Variants in DST observed in about 807,000 individuals in gnomAD.
DST encodes bullous pemphigoid antigen.
A neutral mutation model predicts 875.2 loss-of-function variants in DST; 253 were observed. The ratio of observed to expected loss-of-function variants is 0.29; its 90% CI spans 0.26 to 0.32. DST has a LOEUF of 0.32. DST is among the 10% of genes least tolerant of loss of function. The pLI, the probability that DST is intolerant of heterozygous loss-of-function variation, is 1.00. For synonymous variants in DST, 3,124 were observed against 3,197.1 expected, an observed-to-expected ratio of 0.98 and a Z score of 0.77; for missense variants, 8,287 against 9,111.6, an observed-to-expected ratio of 0.91 and a Z score of 3.68.
chr6:56,595,080 T>C (rs1250322098), intron 47 of DST, among the ~76,000 whole-genome samples: 2 of 152,152 alleles, frequency 1.3e-5, no homozygotes, highest in South Asian at 2.1e-4. Flanking sequence ...GCCATACAAG[T>C]GTGGCAAAAA....
intron 77 of DST, 84 bp from the exon 78 acceptor site, chr6:56,504,182 T>C (rs2096238735): frequency 3.7e-6 from 3 of 810,064 alleles, no homozygotes; most frequent in Non-Finnish European, 5.8e-6. Context: ...AAAAATACAA[T>C]CATAAATCTA....
At chr6:56,819,706 C>G (rs1007272610) in intron 4 of DST, among the ~76,000 whole-genome samples, 3 of 134,706 alleles carry the variant, frequency 2.2e-5, no homozygotes, top group Admixed American at 7.2e-5. Flanking sequence ...TTAACAGGTA[C>G]TACAATAACA....
chr6:56,640,659 G>C, intron 17 of DST, 54 bp from the exon 18 acceptor site: 1 of 1,326,112 alleles, frequency 7.5e-7, no homozygotes, highest in East Asian at 2.3e-5. Context: ...TTGTAACAAA[G>C]AGTGAACTCT....
chr6:56,486,078 C>G (rs1184254959), intron 87 of DST, among the ~76,000 whole-genome samples: 1 of 152,008 alleles, frequency 6.6e-6, no homozygotes, highest in Non-Finnish European at 1.5e-5. Flanking sequence ...AAGATTTTTT[C>G]AAGGGCCAGG....
chr6:56,652,392 C>A (rs1396055234), intron 10 of DST, among the ~76,000 whole-genome samples: 1 of 151,924 alleles, frequency 6.6e-6, no homozygotes, highest in African/African-American at 2.4e-5. Flanking sequence ...TACTCACCAC[C>A]CAAAAAAATC....
At chr6:56,866,673 C>G (rs1407802401) in intron 3 of DST, among the ~76,000 whole-genome samples, 1 of 152,198 alleles carries the variant, frequency 6.6e-6, no homozygotes, top group African/African-American at 2.4e-5. Flanking sequence ...CCCCACAGCA[C>G]TTATTACCAT....
chr6:56,873,825 T>C (rs990355498), intron 3 of DST, among the ~76,000 whole-genome samples: 1 of 152,198 alleles, frequency 6.6e-6, no homozygotes, highest in Non-Finnish European at 1.5e-5. Context: ...GTTAATACTT[T>C]ATTGTATAGC....
At chr6:56,712,046 C>G (rs375790493) in intron 5 of DST, among the ~76,000 whole-genome samples, 15,064 of 143,840 alleles carry the variant, frequency 0.1, 2,333 homozygotes, top group African/African-American at 0.34. Flanking sequence ...AGCCGAGATC[C>G]CGCCACTGCA....
rs1011789710 is a variant in DST at position 56,497,247 on chromosome 6, T to C, written c.20223+132A>G. On this transcript the variant is annotated intron_variant, in intron 82 of 103. Coordinates refer to ENST00000680361, the MANE Select transcript of DST (RefSeq NM_001374736.1). ...ATCAATAAATGGTGTGTTTCTAACATGTATACACAGTGATTTCTGCCATAA... is the reference window on the plus strand; with the variant it reads ...ATCAATAAATGGTGTGTTTCTAACACGTATACACAGTGATTTCTGCCATAA... The C allele has an allele frequency of 7.1e-6, 7 of 991,954 alleles. No individual in the cohort carries two copies. In the South Asian group the frequency reaches 1.0e-4, roughly 14 times the overall value. The allele number at this position is 991,954 out of a possible 1,614,324, so 61.4% of individuals were successfully genotyped here.
In DST at chr6:56,900,473, C is replaced by T. The variant is rs2127689094; in HGVS notation, c.365G>A (p.Arg122Gln). The change falls in exon 3 of 104, where the codon CGA becomes CAA. Residue 122 changes from arginine to glutamine, a missense_variant. Transcript: ENST00000680361. ...AGAGTGATAAAATTCTGGCTGGACT[C>T]GGCTGCTCTTCTTGATTCTTCGTTT... The part of the protein sequence containing the change: ...VRKRRIKKSS[R>Q]VQPEFYHSVQ... 1 of 1,367,698 alleles carries T rather than the reference C, an allele frequency of 7.3e-7. No homozygotes were observed. Among genetic ancestry groups the T allele is most frequent in the South Asian group, 1.1e-5 (1 of 88,044 alleles). 84.7% of individuals were successfully genotyped at this position (1,367,698 alleles called of 1,614,324 possible).
At chr6:56,473,672 T>C (rs549213562) in intron 93 of DST, among the ~76,000 whole-genome samples, 4 of 152,326 alleles carry the variant, frequency 2.6e-5, no homozygotes, top group South Asian at 2.1e-4. Context: ...AAGTTACGTA[T>C]AGAAACCTGG....
rs539146286 is a variant in DST at position 56,954,786 on chromosome 6, G to A, written c.-199C>T. On this transcript the variant is annotated 5_prime_UTR_variant, in exon 1 of 104. Coordinates refer to ENST00000680361, the MANE Select transcript of DST (RefSeq NM_001374736.1). ...CTACGCGAGTGATCCAGGGCTGCGG[G>A]GAGCGCTTGCCATGACTCAGCAGAC... Among the ~76,000 whole-genome samples, 28 of 149,998 alleles carry A rather than the reference G, an allele frequency of 1.9e-4. No homozygotes were observed. Among genetic ancestry groups the A allele is most frequent in the African/African-American group, 6.8e-4 (28 of 41,322 alleles).
intron 36 of DST, chr6:56,620,003 G>A (rs1407813524): frequency 1.9e-6 from 3 of 1,614,066 alleles, no homozygotes; most frequent in South Asian, 1.1e-5. Flanking sequence ...CCTGCATGAT[G>A]TAGCCTGTGT....
chr6:56,487,180 C>T lies in DST; in HGVS notation c.20971G>A (p.Asp6991Asn), dbSNP rs1163854392. The T allele has an allele frequency of 1.2e-6, 2 of 1,613,926 alleles. No homozygotes were observed. Among genetic ancestry groups the T allele is most frequent in the Non-Finnish European group, 1.7e-6 (2 of 1,179,840 alleles). ...AGCATGTCATCCAGTTTCAGGTTGT[C>T]ATCAGCCAGGGAGGTTTTCTCCTTC... ...SLKEKTSLADDNLKLDDMLSE... is the reference protein window; with the variant it reads ...SLKEKTSLADNNLKLDDMLSE... The change falls in exon 87 of 104, where the codon GAC becomes AAC. Residue 6991 changes from aspartate (D) to asparagine (N), a missense_variant. This residue lies in a region of DST where 1,292 missense variants were observed against 1,552.7 expected (regional missense o/e 0.83). Coordinates refer to ENST00000680361, the MANE Select transcript of DST (RefSeq NM_001374736.1).
At position 56,489,534 on chromosome 6, in the gene DST, C is replaced by A. The variant is rs756935398; in HGVS notation, c.20833G>T (p.Ala6945Ser). 3 of 1,612,654 alleles carry A rather than the reference C, an allele frequency of 1.9e-6. No individual in the cohort carries two copies. In the South Asian group the frequency reaches 3.3e-5, roughly 18 times the overall value. ...GTTTTTATTTTGTCTGGATCATTTG[C>A]GATTTCCAGTTCAGAATCCAAAGAC... ...EKSLDSELEI[A>S]NDPDKIKTQL... is the part of the protein sequence containing the mutation. Residue 6945 changes from alanine (A) to serine (S), a missense_variant, in exon 86 of 104, where the codon GCA (alanine) becomes TCA (serine). Transcript: ENST00000680361.
intron 9 of DST, among the ~76,000 whole-genome samples, chr6:56,683,364 G>A (rs953996931): frequency 6.6e-6 from 1 of 152,296 alleles, no homozygotes; most frequent in Admixed American, 6.5e-5. Flanking sequence ...TAGTCTTGCT[G>A]TACCAAATAT....
chr6:56,733,937 G>T (rs2099512962), intron 5 of DST, among the ~76,000 whole-genome samples: 1 of 152,000 alleles, frequency 6.6e-6, no homozygotes, highest in Non-Finnish European at 1.5e-5. Context: ...TTTAGAAAAG[G>T]CAAAACTTTT....
intron 13 of DST, 32 bp downstream of exon 13, chr6:56,648,538 C>A: frequency 1.3e-6 from 2 of 1,530,652 alleles, no homozygotes; most frequent in South Asian, 2.5e-5. Flanking sequence ...ACAATTGAAT[C>A]AATCCTATGT....
rs775037762 is a variant in DST at position 56,609,047 on chromosome 6, G to A, written c.5581C>T (p.Gln1861Ter). ...TTIPVLDALA[Q>*]SMITESMAIK... ...GCCATGGATTCTGTTATCATGCTTT[G>A]AGCTAGAGCATCCAGTACTGGAATT... Residue 1861 changes from glutamine (Q) to a stop codon, truncating the protein, a stop_gained, in exon 40 of 104, where the codon CAA (glutamine) becomes TAA (stop). Coordinates refer to ENST00000680361, the MANE Select transcript of DST (RefSeq NM_001374736.1). LOFTEE classifies it high-confidence loss of function. 2 of 1,613,852 alleles carry A rather than the reference G, an allele frequency of 1.2e-6. No individual in the cohort carries two copies. The highest frequency in any genetic ancestry group is 1.7e-6 in the Non-Finnish European group (2 of 1,179,796).
Sources: allele counts gnomAD v4.1 joint callset (sites outside exome capture counted in the v4.1 genomes callset), GRCh38; gene constraint gnomAD v4.1.1; regional missense constraint gnomAD v4.1.1; transcripts MANE v1.5; gene names NCBI Gene and HGNC (gene_info 2026-07-23, HGNC 2026-07-21).